GARNL3: variants seen among roughly 807,000 people sequenced by gnomAD.
GARNL3 encodes GTPase-activating Rap/Ran-GAP domain-like protein 3.
Under a neutral mutation model 125.0 loss-of-function variants are expected in GARNL3, and 63 were observed. The observed-to-expected ratio is 0.50, with a 90% CI of 0.41 to 0.62. GARNL3 has a LOEUF of 0.62. GARNL3 is among the 20% of genes least tolerant of loss of function. The pLI is 0.00. For missense variants in GARNL3, 994 were observed against 1,244.0 expected (o/e 0.80, Z 3.02); for synonymous variants, 439 against 457.5 (o/e 0.96, Z 0.52).
intron 1 of GARNL3, among the ~76,000 whole-genome samples, chr9:127,274,996 G>A (rs375597498): frequency 7.0e-4 from 106 of 152,150 alleles, no homozygotes; most frequent in African/African-American, 2.3e-3. Context: ...ATGGCTTGTC[G>A]TGTGCCCGCC....
chr9:127,333,009 ACTT>A lies in GARNL3; in HGVS notation c.671-9_671-7del. 1 of 1,583,834 alleles carries A rather than the reference ACTT, an allele frequency of 6.3e-7. No individual in the cohort carries two copies. The highest frequency in any genetic ancestry group is 8.7e-7 in the Non-Finnish European group (1 of 1,152,474). The stretch of plus-strand genomic sequence containing the variant: ...GATGCCCATACTTTCCTCATACTCT[ACTT>A]CTTCCTGCAGAAATTGGAAGCGAGC... On this transcript the variant is annotated splice_polypyrimidine_tract_variant and intron_variant, in intron 8 of 27. Coordinates refer to ENST00000373387, the MANE Select transcript of GARNL3 (RefSeq NM_032293.5).
chr9:127,355,801 A>T (rs1318288417), intron 20 of GARNL3, among the ~76,000 whole-genome samples: 1 of 152,234 alleles, frequency 6.6e-6, no homozygotes, highest in African/African-American at 2.4e-5. Context: ...TACTAAAATT[A>T]AACATAGAGG....
At chr9:127,343,592 A>G (rs1374127713) in intron 14 of GARNL3, among the ~76,000 whole-genome samples, 1 of 152,212 alleles carries the variant, frequency 6.6e-6, no homozygotes, top group Non-Finnish European at 1.5e-5. Context: ...TGTCTATCAC[A>G]TTCCCAAAAT....
intron 1 of GARNL3, among the ~76,000 whole-genome samples, chr9:127,236,509 C>T (rs1001171169): frequency 1.3e-5 from 2 of 152,188 alleles, no homozygotes; most frequent in African/African-American, 4.8e-5. Flanking sequence ...AGCACAGTGG[C>T]GTGATCATAG....
intron 22 of GARNL3, among the ~76,000 whole-genome samples, chr9:127,382,358 C>T (rs1832309996): frequency 6.6e-6 from 1 of 151,926 alleles, no homozygotes; most frequent in African/African-American, 2.4e-5. Flanking sequence ...AAATGTATGG[C>T]TAAAACATGA....
chr9:127,259,498 T>C (rs1455693791), upstream of GARNL3, among the ~76,000 whole-genome samples: 1 of 152,016 alleles, frequency 6.6e-6, no homozygotes, highest in Non-Finnish European at 1.5e-5. Flanking sequence ...CAACAGGGGG[T>C]CCCAGGTATT....
upstream of GARNL3, chr9:127,264,149 G>A: frequency 9.1e-6 from 5 of 548,894 alleles, no homozygotes; most frequent in Non-Finnish European, 6.1e-6. Flanking sequence ...TTTATATTTT[G>A]TGGATCTCAT....
In GARNL3 at chr9:127,370,120, CTG is replaced by C. The variant is rs545166809; in HGVS notation, c.2161+4756_2161+4757del. 9.1e-4 allele frequency among the ~76,000 whole-genome samples: 138 copies of C among 152,328 alleles called. No individual in the cohort carries two copies. The Middle Eastern group carries it at 0.01, about 11-fold the overall frequency. ...ACACAACTGTAAGACACTAAGATAA[CTG>C]TTTTACAAGGCACAGTGGTCGCATC... On this transcript the variant is annotated intron_variant, in intron 22 of 27. Coordinates refer to ENST00000373387, the MANE Select transcript of GARNL3 (RefSeq NM_032293.5).
intron 16 of GARNL3, among the ~76,000 whole-genome samples, chr9:127,345,985 T>A (rs1160478113): frequency 1.3e-5 from 2 of 152,146 alleles, no homozygotes; most frequent in Non-Finnish European, 2.9e-5. Context: ...GACCTGAAAG[T>A]TTGCATCTCT....
chr9:127,381,439 T>C (rs558050691), intron 22 of GARNL3, among the ~76,000 whole-genome samples: 48 of 152,222 alleles, frequency 3.2e-4, no homozygotes, highest in African/African-American at 1.1e-3. Flanking sequence ...TGAACTAAAA[T>C]GCATTAGCAG....
chr9:127,251,859 G>A (rs2063410350), intron 2 of GARNL3, among the ~76,000 whole-genome samples: 1 of 152,072 alleles, frequency 6.6e-6, no homozygotes, highest in Non-Finnish European at 1.5e-5. Flanking sequence ...CTGCCTAAAA[G>A]CAGGGCATAA....
chr9:127,310,882 G>A (rs964366886), intron 2 of GARNL3, among the ~76,000 whole-genome samples: 1 of 151,922 alleles, frequency 6.6e-6, no homozygotes. Flanking sequence ...CTATAATTTT[G>A]TATCAGTCCT....
At position 127,280,597 on chromosome 9, in the gene GARNL3, A is replaced by G. The variant is rs1181120522; in HGVS notation, c.145-10571A>G. On this transcript the variant is annotated intron_variant, in intron 1 of 27. Coordinates refer to ENST00000373387, the MANE Select transcript of GARNL3 (RefSeq NM_032293.5). This position sits in a 1 kb window ranked among gnomAD's most constrained non-coding sequence, Gnocchi z 4.5. ...CTCGATTCTTCTCCATTGGCCGTATAGTAAGTAGAAAATGTCTTGATATTT... is the reference window on the plus strand; with the variant it reads ...CTCGATTCTTCTCCATTGGCCGTATGGTAAGTAGAAAATGTCTTGATATTT... Among the ~76,000 whole-genome samples, 2 of 152,234 alleles carry G rather than the reference A, an allele frequency of 1.3e-5. No homozygotes were observed.
chr9:127,286,117 G>A (rs554275457), intron 1 of GARNL3, among the ~76,000 whole-genome samples: 1 of 152,334 alleles, frequency 6.6e-6, no homozygotes, highest in East Asian at 1.9e-4. Flanking sequence ...CTCCTGGATA[G>A]ACAGAGCTAT....
At chr9:127,327,437 T>G (rs1012439540) in intron 7 of GARNL3, among the ~76,000 whole-genome samples, 3 of 152,202 alleles carry the variant, frequency 2.0e-5, no homozygotes, top group African/African-American at 7.2e-5. Context: ...AGTTGATTCT[T>G]GAACATGTGG....
At chr9:127,227,165 C>T (rs548326688) in intron 1 of GARNL3, among the ~76,000 whole-genome samples, 1 of 152,192 alleles carries the variant, frequency 6.6e-6, no homozygotes, top group East Asian at 1.9e-4. Flanking sequence ...TTTTATTACC[C>T]TCTCCTTTGT....
At chr9:127,377,647 C>G (rs865926794) in intron 22 of GARNL3, among the ~76,000 whole-genome samples, 2 of 151,718 alleles carry the variant, frequency 1.3e-5, no homozygotes, top group Non-Finnish European at 2.9e-5. Flanking sequence ...ATTAGCCGGG[C>G]GTGGTGGCAT....
At chr9:127,226,197 G>A (rs10987576) in intron 1 of GARNL3, among the ~76,000 whole-genome samples, 26,059 of 152,272 alleles carry the variant, frequency 0.17, 3,003 homozygotes, top group East Asian at 0.43. Context: ...ACCCGCAGCA[G>A]TGGTAGGGAC....
upstream of GARNL3, chr9:127,263,614 G>T (rs2063638778): frequency 1.2e-6 from 1 of 866,272 alleles, no homozygotes; most frequent in African/African-American, 1.8e-5. Flanking sequence ...GACCATGGAG[G>T]GAAGGTTTTT....
Sources: allele counts gnomAD v4.1 joint callset (sites outside exome capture counted in the v4.1 genomes callset), GRCh38; gene constraint gnomAD v4.1.1; non-coding constraint Gnocchi (gnomAD v3.1); transcripts MANE v1.5; gene names NCBI Gene and HGNC (gene_info 2026-07-23, HGNC 2026-07-21).